TBX5: variants seen among roughly 807,000 people sequenced by gnomAD.
The protein encoded by TBX5 is T-box transcription factor 5.
TBX5 carries 8 observed loss-of-function variants against 51.1 expected under a neutral mutation model. That is an observed-to-expected ratio of 0.16 (90% confidence interval 0.09 to 0.28). The LOEUF is 0.28. TBX5 is among the 10% of genes least tolerant of loss of function. The pLI is 1.00. For synonymous variants in TBX5, 302 were observed against 266.4 expected, an observed-to-expected ratio of 1.13 and a Z score of -1.30; for missense variants, 589 against 671.7, an observed-to-expected ratio of 0.88 and a Z score of 1.36.
At chr12:114,386,430 A>G (rs550519324) in intron 6 of TBX5, among the ~76,000 whole-genome samples, 84 of 152,350 alleles carry the variant, frequency 5.5e-4, no homozygotes, top group African/African-American at 2.0e-3. Context: ...CATAGAGAAC[A>G]TAGAGAATCA....
intron 5 of TBX5, 62 bp downstream of exon 5, chr12:114,398,511 T>C: frequency 1.3e-6 from 2 of 1,581,012 alleles, no homozygotes; most frequent in South Asian, 2.3e-5. Context: ...AGAAACCCAG[T>C]GAGAAGAAGG....
intron 7 of TBX5, among the ~76,000 whole-genome samples, chr12:114,367,171 G>C (rs769621384): frequency 6.7e-6 from 1 of 150,304 alleles, no homozygotes; most frequent in African/African-American, 2.5e-5. Context: ...AGGGAAAAAA[G>C]AGAGGGAAAG....
intron 8 of TBX5, chr12:114,365,955 G>A (rs941856091): frequency 1.4e-5 from 9 of 650,338 alleles, no homozygotes; most frequent in African/African-American, 1.1e-4. Flanking sequence ...TTCTCCAAAG[G>A]AGGGGCTGGA....
intron 7 of TBX5, among the ~76,000 whole-genome samples, chr12:114,373,817 G>A (rs1196079070): frequency 6.6e-6 from 1 of 152,192 alleles, no homozygotes; most frequent in African/African-American, 2.4e-5. Flanking sequence ...GTACTGAACT[G>A]AACAGCCAAT....
At chr12:114,375,763 C>G (rs922932108) in intron 7 of TBX5, among the ~76,000 whole-genome samples, 1 of 152,098 alleles carries the variant, frequency 6.6e-6, no homozygotes, top group Non-Finnish European at 1.5e-5. Context: ...GAACTATCAG[C>G]CAGGTGCAGT....
chr12:114,406,533 G>C (rs1399488241), upstream of TBX5, among the ~76,000 whole-genome samples: 2 of 152,128 alleles, frequency 1.3e-5, no homozygotes, highest in African/African-American at 4.8e-5. Flanking sequence ...TCGAGAAGGA[G>C]AGCTGCCTGA....
chr12:114,372,469 C>A (rs1035434352), intron 7 of TBX5, among the ~76,000 whole-genome samples: 3 of 143,016 alleles, frequency 2.1e-5, no homozygotes, highest in African/African-American at 8.2e-5. Flanking sequence ...CACACCCAGC[C>A]AATAGTTGTA....
At chr12:114,406,926 C>A, upstream of TBX5, 1 of 430,478 alleles carries the variant, frequency 2.3e-6, no homozygotes, top group Non-Finnish European at 3.1e-6. Context: ...CTGAGCAGAC[C>A]CAGATTGGGA....
intron 6 of TBX5, among the ~76,000 whole-genome samples, chr12:114,391,136 C>T (rs73203406): frequency 2.0e-3 from 305 of 152,240 alleles, no homozygotes; most frequent in Non-Finnish European, 3.6e-3. Context: ...AAACGGTGGC[C>T]CTTATTTTTC....
chr12:114,405,532 C>A, intron 1 of TBX5, 96 bp downstream of exon 1: 1 of 200,972 alleles, frequency 5.0e-6, no homozygotes, highest in Non-Finnish European at 8.9e-6. Flanking sequence ...CTGCAGAATG[C>A]AAAGCCGGGC....
At chr12:114,393,613 C>A (rs1457466742) in intron 6 of TBX5, among the ~76,000 whole-genome samples, 8 of 152,316 alleles carry the variant, frequency 5.3e-5, no homozygotes, top group South Asian at 2.1e-4. Flanking sequence ...GATCCTCCCC[C>A]ACCCTCCAAC....
In TBX5 at chr12:114,366,311, C is replaced by A. The variant is rs115178276; in HGVS notation, c.836G>T (p.Arg279Leu). The A allele has an allele frequency of 1.9e-6, 3 of 1,614,034 alleles. No homozygotes were observed. The East Asian group carries it at 6.7e-5, about 36-fold the overall frequency. The part of the protein sequence containing the change: ...SNHSPFSSES[R>L]ALSTSSNLGS... ...CAAATTGGATGAGGTGGAGAGAGCT[C>A]GAGACTCGCTGCTGAAAGGACTGTG... The change falls in exon 8 of 9, where the codon CGA (arginine) becomes CTA (leucine). Residue 279 changes from arginine to leucine, a missense_variant. Physicochemically the swap from Arg to Leu is moderately radical, Grantham distance 102. Around this residue, in one of 7 missense-constraint regions of TBX5, gnomAD observed 348 missense variants for 360.4 expected, o/e 0.97. Coordinates refer to ENST00000405440, the MANE Select transcript of TBX5 (RefSeq NM_181486.4).
At chr12:114,369,873 C>T (rs1475925494) in intron 7 of TBX5, among the ~76,000 whole-genome samples, 4 of 152,116 alleles carry the variant, frequency 2.6e-5, no homozygotes, top group Admixed American at 1.3e-4. Flanking sequence ...TTCCAGCCAC[C>T]GTACTGCTTG....
At chr12:114,392,059 C>T (rs964095366) in intron 6 of TBX5, among the ~76,000 whole-genome samples, 3 of 151,564 alleles carry the variant, frequency 2.0e-5, no homozygotes, top group African/African-American at 7.3e-5. Context: ...GAAAAAAAAG[C>T]AATTATTGTG....
intron 8 of TBX5, among the ~76,000 whole-genome samples, chr12:114,364,652 T>G (rs1286675374): frequency 6.6e-6 from 1 of 152,194 alleles, no homozygotes; most frequent in Admixed American, 6.5e-5. Context: ...GGAAGACTGA[T>G]TAAATTAATG....
rs145890934 is a variant in TBX5 at position 114,401,908 on chromosome 12, T to C, written c.160A>G (p.Ile54Val). Residue 54 changes from isoleucine (I) to valine (V), a missense_variant, in exon 3 of 9, where the codon ATC becomes GTC. Physicochemically the swap from Ile to Val is conservative, Grantham distance 29 (BLOSUM62 3). This residue lies in a region of TBX5 where 101 missense variants were observed against 83.3 expected (regional missense o/e 1.21). Transcript: ENST00000405440. ...AAFTQQGMEG[I>V]KVFLHERELW... is the part of the protein sequence containing the mutation. ...TCTCTTTCATGGAGAAACACTTTGA[T>C]TCCCTCCATGCCCTGCAAGAAGGAG... is the stretch of plus-strand genomic sequence containing the variant. The C allele has an allele frequency of 6.2e-7, 1 of 1,614,046 alleles. No individual in the cohort carries two copies. The highest frequency in any genetic ancestry group is 8.5e-7 in the Non-Finnish European group (1 of 1,180,014).
intron 6 of TBX5, among the ~76,000 whole-genome samples, chr12:114,393,733 C>T (rs1265165887): frequency 1.3e-5 from 2 of 152,170 alleles, no homozygotes; most frequent in Admixed American, 1.3e-4. Flanking sequence ...ATCCATGCGA[C>T]AGCATACCGC....
chr12:114,358,793 G>GTTTT (rs1869067007), intron 8 of TBX5, among the ~76,000 whole-genome samples: 1 of 151,718 alleles, frequency 6.6e-6, no homozygotes. Context: ...TTGTTTGTTT[G>GTTTT]TTTGTTTGTT....
chr12:114,376,757 C>T (rs1052534753), intron 7 of TBX5, among the ~76,000 whole-genome samples: 6 of 151,782 alleles, frequency 4.0e-5, no homozygotes, highest in Admixed American at 1.3e-4. Context: ...CTCACATTTA[C>T]GTATATTAAA....
Sources: gnomAD v4.1 joint callset for allele counts (sites outside exome capture counted in the v4.1 genomes callset) on GRCh38, gnomAD v4.1.1 for gene constraint, gnomAD v4.1.1 regional missense constraint, MANE v1.5 for transcripts, NCBI Gene and HGNC (gene_info 2026-07-23, HGNC 2026-07-21) for gene names.